NOP56: variants seen among roughly 807,000 people sequenced by gnomAD.
NOP56 encodes the protein nucleolar protein 56.
Under a neutral mutation model 58.3 loss-of-function variants are expected in NOP56, and 31 were observed. The observed-to-expected ratio is 0.53, with a 90% CI of 0.40 to 0.72. The LOEUF is 0.72. Among genes scored for constraint, NOP56 ranks in the 30% least tolerant of loss-of-function variants. The pLI, the probability that NOP56 is intolerant of heterozygous loss-of-function variation, is 0.00. For synonymous variants in NOP56, 313 were observed against 282.8 expected (o/e 1.11, Z -1.07); for missense variants, 669 against 739.9 (o/e 0.90, Z 1.11).
intron 4 of NOP56, 85 bp downstream of exon 4, chr20:2,654,660 C>T: frequency 1.9e-6 from 3 of 1,605,076 alleles, no homozygotes; most frequent in Non-Finnish European, 2.6e-6. Context: ...GTTGTGATTT[C>T]TGGGAAGGCC....
In NOP56 at chr20:2,657,910, C is replaced by G. The variant is rs1293571397; in HGVS notation, c.1420-19C>G. The G allele has an allele frequency of 6.4e-7, 1 of 1,560,196 alleles. No homozygotes were observed. The highest frequency in any genetic ancestry group is 2.0e-5 in the Admixed American group (1 of 50,486). On this transcript the variant is annotated intron_variant, in intron 11 of 11. Transcript: ENST00000329276. The stretch of plus-strand genomic sequence containing the variant: ...ATGAGCACTGTTCTCACAGCCTGTT[C>G]CCCTGTCCTTCCCTTTAGGAGATGA...
chr20:2,655,033 G>A (rs1314671842), intron 5 of NOP56, 86 bp downstream of exon 5: 3 of 1,525,862 alleles, frequency 2.0e-6, no homozygotes, highest in African/African-American at 2.7e-5. Context: ...TGACCATCCT[G>A]TGGGTAGAAC....
In NOP56 at chr20:2,652,872, G is replaced by A. The variant is rs1235143044; in HGVS notation, c.34G>A (p.Val12Ile). 3 of 1,611,452 alleles carry A rather than the reference G, an allele frequency of 1.9e-6. No individual in the cohort carries two copies. The Admixed American group carries it at 5.0e-5, about 27-fold the overall frequency. ...VLLHVLFEHAVGYALLALKEV... is the reference protein window; with the variant it reads ...VLLHVLFEHAIGYALLALKEV... Reference sequence around the variant, plus strand: ...GTTGCACGTGCTGTTTGAGCACGCGGTCGGCTACGCGCTGCTGGCGCTGAA... The same window carrying A: ...GTTGCACGTGCTGTTTGAGCACGCGATCGGCTACGCGCTGCTGGCGCTGAA... The change falls in exon 2 of 12, where the codon GTC (valine) becomes ATC (isoleucine). Residue 12 changes from valine (V) to isoleucine (I), a missense_variant. This residue lies in a region of NOP56 where 121 missense variants were observed against 113.1 expected (regional missense o/e 1.07). Coordinates refer to ENST00000329276, the MANE Select transcript of NOP56 (RefSeq NM_006392.4).
At chr20:2,654,192 TC>T in intron 3 of NOP56, 1 of 744,090 alleles carries the variant, frequency 1.3e-6, no homozygotes, top group South Asian at 1.4e-5. Context: ...ATGCAGTTGT[TC>T]CCATGGCTGG....
At chr20:2,652,758 C>CCTGGGCATGGGCCTGG in intron 1 of NOP56, 84 bp from the exon 2 acceptor site, 1 of 1,195,636 alleles carries the variant, frequency 8.4e-7, no homozygotes, top group Non-Finnish European at 1.2e-6. Context: ...CCTGGGCCTG[C>CCTGGGCATGGGCCTGG]GCCTGCGCCT....
rs763025792 is a variant in NOP56 at position 2,652,845 on chromosome 20, C to A, written c.7C>A (p.Leu3Met). 6.2e-7 allele frequency: 1 copy of A among 1,610,604 alleles called. No individual in the cohort carries two copies. Residue 3 changes from leucine to methionine, a missense_variant, in exon 2 of 12, where the codon CTG (leucine) becomes ATG (methionine). Leu to Met is a conservative substitution (Grantham distance 15). This residue lies in a region of NOP56 where 121 missense variants were observed against 113.1 expected (regional missense o/e 1.07). Transcript: ENST00000329276. MV[L>M]LHVLFEHAVG... ...CGCGCCCCGGCTCCCGTTCCAGGTG[C>A]TGTTGCACGTGCTGTTTGAGCACGC...
intron 1 of NOP56, 47 bp from the exon 2 acceptor site, chr20:2,652,795 C>T (rs765226499): frequency 1.3e-6 from 2 of 1,562,328 alleles, no homozygotes; most frequent in Admixed American, 1.8e-5. Flanking sequence ...CGGGTTCCGG[C>T]AGACGCTGAG....
In NOP56 at chr20:2,654,887, A is replaced by C; in HGVS notation, c.509A>C (p.Gln170Pro). ...NVNRVDNMII[Q>P]SISLLDQLDK... ...AACCGGGTGGACAATATGATCATCCAGTCCATTAGCCTCCTGGACCAGCTG... is the reference window on the plus strand; with the variant it reads ...AACCGGGTGGACAATATGATCATCCCGTCCATTAGCCTCCTGGACCAGCTG... Residue 170 changes from glutamine (Q) to proline (P), a missense_variant, in exon 5 of 12, where the codon CAG (glutamine) becomes CCG (proline). Physicochemically the swap from Gln to Pro is moderately conservative, Grantham distance 76. Transcript: ENST00000329276. 1 of 1,614,244 alleles carries C rather than the reference A, an allele frequency of 6.2e-7. No individual in the cohort carries two copies.
At chr20:2,656,220 C>A (rs1255185586) in intron 8 of NOP56, 181 bp from the exon 9 acceptor site, 1 of 1,604,226 alleles carries the variant, frequency 6.2e-7, no homozygotes, top group African/African-American at 1.3e-5. Flanking sequence ...TCCAGGTCAG[C>A]GACATTGGAT....
chr20:2,657,052 A>G (rs2086831937), intron 10 of NOP56, 29 bp from the exon 11 acceptor site: 1 of 1,614,100 alleles, frequency 6.2e-7, no homozygotes, highest in African/African-American at 1.3e-5. Context: ...AGAAGTCTTC[A>G]GGCCCTTTTA....
At chr20:2,656,683 G>C (rs761684660) in intron 9 of NOP56, 91 bp from the exon 10 acceptor site, 6 of 1,610,668 alleles carry the variant, frequency 3.7e-6, no homozygotes, top group Non-Finnish European at 5.1e-6. Flanking sequence ...TTGAGACTCT[G>C]GGTCTGAGTG....
intron 8 of NOP56, 71 bp downstream of exon 8, chr20:2,656,105 TGA>T: frequency 3.1e-6 from 5 of 1,613,472 alleles, no homozygotes; most frequent in East Asian, 2.2e-5. Context: ...GGGATCACGG[TGA>T]TGGCTGACCA....
chr20:2,652,790 T>C (rs1467328381), intron 1 of NOP56, 52 bp from the exon 2 acceptor site: 4 of 1,532,826 alleles, frequency 2.6e-6, no homozygotes, highest in African/African-American at 1.4e-5. Flanking sequence ...GGGAACGGGT[T>C]CCGGCAGACG....
At chr20:2,653,470 T>A (rs1053961735) in intron 3 of NOP56, 77 bp downstream of exon 3, 10 of 1,196,598 alleles carry the variant, frequency 8.4e-6, no homozygotes, top group Middle Eastern at 3.8e-4. Flanking sequence ...GTGATAGTAT[T>A]TGCCGTCCTT....
rs544204994 is a variant in NOP56 at position 2,654,489 on chromosome 20, T to C, written c.284T>C (p.Val95Ala). 6.2e-7 allele frequency: 1 copy of C among 1,613,862 alleles called. No individual in the cohort carries two copies. The highest frequency in any genetic ancestry group is 1.3e-5 in the African/African-American group (1 of 74,928). Residue 95 changes from valine (V) to alanine (A), a missense_variant, in exon 4 of 12, where the codon GTT (valine) becomes GCT (alanine). Val to Ala is a moderately conservative substitution (Grantham distance 64). This residue lies in a region of NOP56 where 339 missense variants were observed against 430.5 expected (regional missense o/e 0.79). Coordinates refer to ENST00000329276, the MANE Select transcript of NOP56 (RefSeq NM_006392.4). ...PSKKKKVLLG[V>A]GDPKIGAAIQ... ...AAAAAGAAGAAAGTACTCTTGGGAG[T>C]TGGGGATCCCAAGATTGGTGCCGCA...
intron 11 of NOP56, 72 bp downstream of exon 11, chr20:2,657,290 T>C (rs2146299118): frequency 6.2e-7 from 1 of 1,603,652 alleles, no homozygotes; most frequent in Non-Finnish European, 8.5e-7. Context: ...AAGGATATGC[T>C]GCATCAAGCT....
At chr20:2,654,969 T>C in intron 5 of NOP56, 22 bp downstream of exon 5, 1 of 1,612,908 alleles carries the variant, frequency 6.2e-7, no homozygotes, top group Middle Eastern at 1.7e-4. Flanking sequence ...GGGCCACCCA[T>C]AATACTGGAG....
chr20:2,654,551 GGA>G lies in NOP56; in HGVS notation c.348_349del (p.Val117HisfsTer3). On this transcript the variant is annotated frameshift_variant, in exon 4 of 12. Transcript: ENST00000329276. LOFTEE classifies it high-confidence loss of function. Reference protein sequence around the residue: ...EELGYNCQTGGVIAEILRGVR... With the variant: ...EELGYNCQTGXVIAEILRGVR... ...GTTAGGGTACAACTGCCAGACTGGA[GGA>G]GTCATAGCTGAGATCCTGCGAGGTG... 6.2e-7 allele frequency: 1 copy of G among 1,614,204 alleles called. No homozygotes were observed. Among genetic ancestry groups the G allele is most frequent in the Admixed American group, 1.7e-5 (1 of 60,028 alleles).
chr20:2,657,184 C>T lies in NOP56; in HGVS notation c.1385C>T (p.Ser462Leu). The T allele has an allele frequency of 6.2e-7, 1 of 1,614,160 alleles. No homozygotes were observed. The highest frequency in any genetic ancestry group is 8.5e-7 in the Non-Finnish European group (1 of 1,180,042). The change falls in exon 11 of 12, where the codon TCA becomes TTA. Residue 462 changes from serine (S) to leucine (L), a missense_variant. By Grantham distance (145) the Ser-to-Leu change is moderately radical. Coordinates refer to ENST00000329276, the MANE Select transcript of NOP56 (RefSeq NM_006392.4). ...CTGGCTGCACTTGCCCTCGCGTCTTCAGAAAACAGCAGTAGTACTCCAGAG... is the reference window on the plus strand; with the variant it reads ...CTGGCTGCACTTGCCCTCGCGTCTTTAGAAAACAGCAGTAGTACTCCAGAG... ...KRLAALALAS[S>L]ENSSSTPEEC... is the part of the protein sequence containing the mutation.
Sources: allele counts gnomAD v4.1 joint callset, GRCh38; gene constraint gnomAD v4.1.1; regional missense constraint gnomAD v4.1.1; transcripts MANE v1.5; gene names NCBI Gene and HGNC (gene_info 2026-07-23, HGNC 2026-07-21).